The following PIP4K2A variants were observed in gnomAD, a reference collection of about 807,000 sequenced individuals.
PIP4K2A encodes the protein phosphatidylinositol-5-phosphate 4-kinase type 2 alpha, also known as phosphatidylinositol 5-phosphate 4-kinase type-2 alpha.
Under a neutral mutation model 42.9 loss-of-function variants are expected in PIP4K2A, and 14 were observed. That is an observed-to-expected ratio of 0.33 (90% CI 0.22 to 0.51). The LOEUF is 0.51. Among genes scored for constraint, PIP4K2A ranks in the 20% least tolerant of loss-of-function variants. PIP4K2A has a pLI of 0.97. For synonymous variants in PIP4K2A, 192 were observed against 192.2 expected (o/e 1.00, Z 0.01); for missense variants, 434 against 519.8 (o/e 0.83, Z 1.61).
chr10:22,663,118 T>A (rs932889112), intron 1 of PIP4K2A, among the ~76,000 whole-genome samples: 3 of 152,228 alleles, frequency 2.0e-5, no homozygotes, highest in African/African-American at 7.2e-5. Context: ...ACTGAGAGGA[T>A]CCTGACAATT....
At position 22,627,459 on chromosome 10, in the gene PIP4K2A, GTTTC is replaced by G. The variant is rs1333195767; in HGVS notation, c.145-17746_145-17743del. Among the ~76,000 whole-genome samples, 8 of 151,908 alleles carry G rather than the reference GTTTC, an allele frequency of 5.3e-5. No individual in the cohort carries two copies. The South Asian group carries it at 1.5e-3, about 28-fold the overall frequency. ...AATACAGATCTTAAATAGCGTATTA[GTTTC>G]TTTAATATTTTCTCACAAATATCTC... On this transcript the variant is annotated intron_variant, in intron 1 of 9. Transcript: ENST00000376573.
intron 4 of PIP4K2A, among the ~76,000 whole-genome samples, chr10:22,584,111 C>A (rs991455159): frequency 3.9e-5 from 6 of 152,146 alleles, no homozygotes; most frequent in African/African-American, 1.4e-4. Context: ...TGAGAGTTGG[C>A]AGACCATGAC....
intron 1 of PIP4K2A, among the ~76,000 whole-genome samples, chr10:22,669,672 A>G (rs2130856968): frequency 6.6e-6 from 1 of 152,320 alleles, no homozygotes; most frequent in Non-Finnish European, 1.5e-5. Context: ...CTCAGAGGAC[A>G]CCACGGATGC....
At chr10:22,625,422 T>C (rs1389925276) in intron 1 of PIP4K2A, among the ~76,000 whole-genome samples, 5 of 152,236 alleles carry the variant, frequency 3.3e-5, no homozygotes, top group Non-Finnish European at 7.3e-5. Context: ...TTAATACTTC[T>C]ATATGACTAT....
chr10:22,545,550 C>T (rs10741004), intron 7 of PIP4K2A, among the ~76,000 whole-genome samples: 138,999 of 152,246 alleles, frequency 0.91, 63,609 homozygotes, highest in East Asian at 1. Flanking sequence ...AGACCGCTTA[C>T]TGTCGTCTTC....
At chr10:22,614,883 C>T (rs1379168808) in intron 1 of PIP4K2A, among the ~76,000 whole-genome samples, 1 of 152,208 alleles carries the variant, frequency 6.6e-6, no homozygotes, top group Non-Finnish European at 1.5e-5. Context: ...TGGCAATGAG[C>T]TCCCAGATTG....
At chr10:22,607,256 T>C (rs1837925097) in intron 3 of PIP4K2A, among the ~76,000 whole-genome samples, 1 of 152,182 alleles carries the variant, frequency 6.6e-6, no homozygotes, top group South Asian at 2.1e-4. Context: ...CAACAGTTAT[T>C]TAAAGAGTTA....
intron 6 of PIP4K2A, among the ~76,000 whole-genome samples, chr10:22,556,978 G>C (rs900488553): frequency 3.3e-5 from 5 of 152,150 alleles, no homozygotes; most frequent in Non-Finnish European, 7.3e-5. Context: ...GACACAACAT[G>C]AATGTGCGAA....
Position 22,546,021 on chromosome 10 carries a change from G to A in PIP4K2A, c.793-3974C>T, listed in dbSNP as rs184745102. ...AGTCTCTGAGACTGAGGTAGAAATG[G>A]GAAAAACCAAATATGGCACAGTGGT... On this transcript the variant is annotated intron_variant, in intron 7 of 9. Coordinates refer to ENST00000376573, the MANE Select transcript of PIP4K2A (RefSeq NM_005028.5). 7.9e-5 allele frequency among the ~76,000 whole-genome samples: 12 copies of A among 152,250 alleles called. 1 individual carries two copies. The East Asian group carries it at 2.3e-3, about 29-fold the overall frequency.
intron 1 of PIP4K2A, among the ~76,000 whole-genome samples, chr10:22,635,785 C>T (rs1305326133): frequency 1.3e-5 from 2 of 152,172 alleles, no homozygotes; most frequent in East Asian, 3.8e-4. Context: ...AGGCCAGAAT[C>T]ACAATGCAGG....
intron 1 of PIP4K2A, among the ~76,000 whole-genome samples, chr10:22,673,975 A>G (rs543902153): frequency 4.6e-5 from 7 of 152,380 alleles, no homozygotes; most frequent in African/African-American, 9.6e-5. Context: ...GCCAAATAAA[A>G]AGTCATTTTG....
chr10:22,646,509 A>T (rs908254961), intron 1 of PIP4K2A, among the ~76,000 whole-genome samples: 1 of 152,278 alleles, frequency 6.6e-6, no homozygotes, highest in South Asian at 2.1e-4. Flanking sequence ...TTTTTCTTAC[A>T]AACAGCCTTG....
intron 1 of PIP4K2A, among the ~76,000 whole-genome samples, chr10:22,681,828 G>A (rs1839668646): frequency 6.6e-6 from 1 of 152,124 alleles, no homozygotes; most frequent in Non-Finnish European, 1.5e-5. Context: ...AATAATTCTA[G>A]GCTCTGCGGG....
At chr10:22,629,808 T>C (rs895232836) in intron 1 of PIP4K2A, among the ~76,000 whole-genome samples, 3 of 152,138 alleles carry the variant, frequency 2.0e-5, no homozygotes, top group Non-Finnish European at 4.4e-5. Context: ...TATTAGCACA[T>C]GTAGATACAT....
intron 1 of PIP4K2A, chr10:22,659,853 G>C (rs1839169739): frequency 6.6e-6 from 1 of 151,998 alleles, no homozygotes; most frequent in Admixed American, 6.6e-5. Flanking sequence ...AAAAAAATAG[G>C]GTTTGATTTA....
At chr10:22,673,954 G>A (rs1004968580) in intron 1 of PIP4K2A, among the ~76,000 whole-genome samples, 1 of 152,216 alleles carries the variant, frequency 6.6e-6, no homozygotes, top group African/African-American at 2.4e-5. Context: ...CCATCCCAGA[G>A]GAATATTACA....
intron 8 of PIP4K2A, 66 bp from the exon 9 acceptor site, chr10:22,540,140 G>GGGAGGGAGGGAGGGAGAAGTGAGCCT: frequency 1.3e-6 from 1 of 749,078 alleles, no homozygotes; most frequent in African/African-American, 1.8e-5. Flanking sequence ...TTGCTGCTGA[G>GGGAGGGAGGGAGGGAGAAGTGAGCCT]GGAGGGAGGG....
rs192168747 is a variant in PIP4K2A at position 22,709,097 on chromosome 10, T to C, written c.144+5086A>G. On this transcript the variant is annotated intron_variant, in intron 1 of 9. Transcript: ENST00000376573. The stretch of plus-strand genomic sequence containing the variant: ...CCACCTACCCAGCAGCAGAGCCTAA[T>C]TTAGCAGACTTTTTTTTTTTTTTTA... 1.9e-3 allele frequency among the ~76,000 whole-genome samples: 293 copies of C among 151,962 alleles called. 1 individual carries two copies. Among genetic ancestry groups the C allele is most frequent in the Non-Finnish European group, 3.3e-3 (225 of 68,010 alleles).
At position 22,630,793 on chromosome 10, in the gene PIP4K2A, T is replaced by C. The variant is rs189586279; in HGVS notation, c.145-21076A>G. Among the ~76,000 whole-genome samples, 7 of 152,356 alleles carry C rather than the reference T, an allele frequency of 4.6e-5. No homozygotes were observed. The East Asian group carries it at 9.6e-4, about 21-fold the overall frequency. ...AGTCCTCTAAAGCTGGGACAGGATA[T>C]GCAAATTGCAGGGATGACTCACCAT... is the stretch of plus-strand genomic sequence containing the variant. On this transcript the variant is annotated intron_variant, in intron 1 of 9. Coordinates refer to ENST00000376573, the MANE Select transcript of PIP4K2A (RefSeq NM_005028.5).
Sources: gnomAD v4.1 joint callset for allele counts (sites outside exome capture counted in the v4.1 genomes callset) on GRCh38, gnomAD v4.1.1 for gene constraint, MANE v1.5 for transcripts, NCBI Gene and HGNC (gene_info 2026-07-23, HGNC 2026-07-21) for gene names.